CHRNB1: variants seen among roughly 807,000 people sequenced by gnomAD.
CHRNB1 encodes the protein cholinergic receptor nicotinic beta 1 subunit, also known as acetylcholine receptor subunit beta.
Under a neutral mutation model 53.8 loss-of-function variants are expected in CHRNB1, and 47 were observed. The ratio of observed to expected loss-of-function variants is 0.87; its 90% CI spans 0.69 to 1.11. CHRNB1 has a LOEUF of 1.11. Ranked by LOEUF, CHRNB1 falls within the 50% of genes most tolerant of loss-of-function variation. The pLI, the probability that CHRNB1 is intolerant of heterozygous loss-of-function variation, is 0.00. For missense variants in CHRNB1, 605 were observed against 654.9 expected (o/e 0.92, Z 0.83); for synonymous variants, 259 against 263.5 (o/e 0.98, Z 0.16).
In CHRNB1 at chr17:7,454,208, G is replaced by C; in HGVS notation, c.821-89G>C. The C allele has an allele frequency of 6.1e-6, 7 of 1,144,632 alleles. No individual in the cohort carries two copies. The South Asian group carries it at 8.6e-5, about 14-fold the overall frequency. The allele number at this position is 1,144,632 out of a possible 1,614,324, so 70.9% of individuals were successfully genotyped here. ...TGCCTGGCTGTAGAAATCTGTCTTT[G>C]AATGGCCTGGAAACATGGTCACTGA... is the stretch of plus-strand genomic sequence containing the variant. On this transcript the variant is annotated intron_variant, in intron 7 of 10. Coordinates refer to ENST00000306071, the MANE Select transcript of CHRNB1 (RefSeq NM_000747.3).
Position 7,445,625 on chromosome 17 carries a change from G to A in CHRNB1, c.198+216G>A. 1 of 1,445,674 alleles carries A rather than the reference G, an allele frequency of 6.9e-7. No individual in the cohort carries two copies. The highest frequency in any genetic ancestry group is 2.5e-5 in the East Asian group (1 of 39,966). 89.6% of individuals were successfully genotyped at this position (1,445,674 alleles called of 1,614,324 possible). A position where few individuals can be genotyped will look rare whatever the true frequency, so the allele number is the denominator to read the frequency against. ...CTGGAGTAGAACTGGGTAGGGTGAA[G>A]GACGGACCTGTGATCGGACCTTAAA... On this transcript the variant is annotated intron_variant, in intron 2 of 10. Transcript: ENST00000306071. The surrounding 1 kb of genome is among the most constrained non-coding windows in gnomAD (Gnocchi z 5.7).
At position 7,454,446 on chromosome 17, in the gene CHRNB1, A is replaced by G; in HGVS notation, c.970A>G (p.Ile324Val). The part of the protein sequence containing the change: ...FTMVLVTFSV[I>V]LSVVVLNLHH... ...CATGGTCCTCGTCACCTTCTCAGTC[A>G]TCCTTAGTGTCGTGGTTCTCAACCT... The change falls in exon 8 of 11, where the codon ATC becomes GTC. Residue 324 changes from isoleucine (I) to valine (V), a missense_variant. Physicochemically the swap from Ile to Val is conservative, Grantham distance 29 (BLOSUM62 3). Transcript: ENST00000306071. 6.2e-7 allele frequency: 1 copy of G among 1,613,978 alleles called. No individual in the cohort carries two copies. The highest frequency in any genetic ancestry group is 8.5e-7 in the Non-Finnish European group (1 of 1,179,984).
chr17:7,446,525 G>A, intron 3 of CHRNB1: 2 of 527,522 alleles, frequency 3.8e-6, no homozygotes, highest in East Asian at 3.4e-5. Context: ...GTTTGGGGCC[G>A]CTAATTTCAT....
intron 6 of CHRNB1, among the ~76,000 whole-genome samples, chr17:7,448,029 G>A (rs1287165903): frequency 5.6e-5 from 7 of 125,156 alleles, no homozygotes; most frequent in Middle Eastern, 5.3e-3. Flanking sequence ...GAGCCGAGAT[G>A]GCGCCACTGC....
In CHRNB1 at chr17:7,455,803, T is replaced by C; in HGVS notation, c.1227T>C (p.Pro409=). The change falls in exon 10 of 11, where the codon CCT becomes CCC. Residue 409 remains proline, a synonymous_variant. Coordinates refer to ENST00000306071, the MANE Select transcript of CHRNB1 (RefSeq NM_000747.3). ...GTCACTCCTCTTCCAGGTTCCAGCC[T>C]GAACTGTCTGCCCCTGATCTGCGGC... ...FLFPKPNRFQ[P]ELSAPDLRRF... The C allele has an allele frequency of 6.2e-7, 1 of 1,614,146 alleles. No homozygotes were observed. Among genetic ancestry groups the C allele is most frequent in the Non-Finnish European group, 8.5e-7 (1 of 1,180,026 alleles).
chr17:7,456,049 CTTTTTT>C (rs528936191), intron 10 of CHRNB1, 108 bp downstream of exon 10: 35 of 527,574 alleles, frequency 6.6e-5, no homozygotes, highest in Middle Eastern at 5.8e-4. Flanking sequence ...TTTTTTTTGG[CTTTTTT>C]TTTTTTTTTT....
In CHRNB1 at chr17:7,445,126, C is replaced by T; in HGVS notation, c.-2C>T. The T allele has an allele frequency of 6.2e-7, 1 of 1,608,052 alleles. No individual in the cohort carries two copies. The highest frequency in any genetic ancestry group is 1.1e-5 in the South Asian group (1 of 90,792). ...CGAAGTCACTGAGCGAGCCGCCAGG[C>T]TATGACCCCAGGGGCTCTGCTGATG... On this transcript the variant is annotated 5_prime_UTR_variant, in exon 1 of 11. Coordinates refer to ENST00000306071, the MANE Select transcript of CHRNB1 (RefSeq NM_000747.3). The surrounding 1 kb of genome is among the most constrained non-coding windows in gnomAD (Gnocchi z 5.7).
In CHRNB1 at chr17:7,448,801, G is replaced by C. The variant is rs371553272; in HGVS notation, c.820+13G>C. On this transcript the variant is annotated intron_variant, in intron 7 of 10. Coordinates refer to ENST00000306071, the MANE Select transcript of CHRNB1 (RefSeq NM_000747.3). ...CCACCAGATGCAGGTAATGGGGGAAGGGGCTCCTTACTCTTTTGTCATTGG... is the reference window on the plus strand; with the variant it reads ...CCACCAGATGCAGGTAATGGGGGAACGGGCTCCTTACTCTTTTGTCATTGG... 4 of 1,612,746 alleles carry C rather than the reference G, an allele frequency of 2.5e-6. No homozygotes were observed. The African/African-American group carries it at 5.3e-5, about 22-fold the overall frequency.
At chr17:7,448,473 C>T (rs1908748341) in intron 6 of CHRNB1, 106 bp from the exon 7 acceptor site, 1 of 1,032,878 alleles carries the variant, frequency 9.7e-7, no homozygotes, top group Non-Finnish European at 1.5e-6. Flanking sequence ...CAGCTAGTTT[C>T]ATCAAGTCAG....
At position 7,456,689 on chromosome 17, in the gene CHRNB1, C is replaced by T; in HGVS notation, c.1472C>T (p.Thr491Met). ...ACCCTAGTCATCTTCCTGGACGCCA[C>T]GTACCACTTGCCCCCTCCAGACCCC... is the stretch of plus-strand genomic sequence containing the variant. ...VGTLVIFLDA[T>M]YHLPPPDPFP is the part of the protein sequence containing the mutation. Residue 491 changes from threonine to methionine, a missense_variant, in exon 11 of 11, where the codon ACG becomes ATG. Thr to Met is a moderately conservative substitution (Grantham distance 81). Transcript: ENST00000306071. 2 of 1,614,162 alleles carry T rather than the reference C, an allele frequency of 1.2e-6. No homozygotes were observed. The highest frequency in any genetic ancestry group is 1.1e-5 in the South Asian group (1 of 91,086).
At chr17:7,455,149 G>A (rs1267605232) in intron 8 of CHRNB1, 135 bp from the exon 9 acceptor site, 5 of 1,008,620 alleles carry the variant, frequency 5.0e-6, no homozygotes, top group Non-Finnish European at 7.6e-6. Flanking sequence ...ATTTCCTTGT[G>A]TAGCTCGTTT....
chr17:7,451,414 G>A (rs371611157), intron 7 of CHRNB1, among the ~76,000 whole-genome samples: 5 of 151,190 alleles, frequency 3.3e-5, no homozygotes, highest in East Asian at 1.9e-4. Context: ...CCCGGTAGCC[G>A]GGATTACAGA....
chr17:7,445,513 G>C lies in CHRNB1; in HGVS notation c.198+104G>C. On this transcript the variant is annotated intron_variant, in intron 2 of 10. Transcript: ENST00000306071. This position sits in a 1 kb window ranked among gnomAD's most constrained non-coding sequence, Gnocchi z 5.7. ...AGGCTGGGGGCGGGGCCTGGGACGA[G>C]ACCAGGCTGAGATGGACCAGCCTTT... 6.5e-7 allele frequency: 1 copy of C among 1,543,926 alleles called. No homozygotes were observed. The highest frequency in any genetic ancestry group is 8.7e-7 in the Non-Finnish European group (1 of 1,149,468).
Position 7,455,924 on chromosome 17 carries a change from CAGG to C in CHRNB1, c.1353_1355del (p.Glu451del), listed in dbSNP as rs748634774. 1 of 1,614,012 alleles carries C rather than the reference CAGG, an allele frequency of 6.2e-7. No homozygotes were observed. The highest frequency in any genetic ancestry group is 1.1e-5 in the South Asian group (1 of 91,078). On this transcript the variant is annotated inframe_deletion, in exon 10 of 11. Coordinates refer to ENST00000306071, the MANE Select transcript of CHRNB1 (RefSeq NM_000747.3). Reference sequence around the variant, plus strand: ...CTACATCGCTCGACAGCTGCAGGAACAGGAGGACCACGATGCGGTATGTCCAAC... The same window carrying C: ...CTACATCGCTCGACAGCTGCAGGAACAGGACCACGATGCGGTATGTCCAAC...
intron 9 of CHRNB1, 74 bp from the exon 10 acceptor site, chr17:7,455,720 C>T: frequency 1.9e-6 from 3 of 1,594,392 alleles, no homozygotes; most frequent in East Asian, 4.5e-5. Context: ...TTGTTGGAGG[C>T]AGCTGGAGCG....
intron 7 of CHRNB1, among the ~76,000 whole-genome samples, chr17:7,449,690 A>G (rs1378175382): frequency 6.6e-6 from 1 of 151,822 alleles, no homozygotes; most frequent in Non-Finnish European, 1.5e-5. Context: ...GCTTATAGGC[A>G]TGAGCCACCG....
chr17:7,446,817 G>A lies in CHRNB1; in HGVS notation c.244-16G>A. 7 of 1,608,542 alleles carry A rather than the reference G, an allele frequency of 4.4e-6. No individual in the cohort carries two copies. The highest frequency in any genetic ancestry group is 1.3e-5 in the African/African-American group (1 of 74,920). ...GCCTCCAACCCGGGGCAGCCCCTCA[G>A]CCTCTGCTTCACTAGGAGTGGACTG... On this transcript the variant is annotated splice_polypyrimidine_tract_variant and intron_variant, in intron 3 of 10. Coordinates refer to ENST00000306071, the MANE Select transcript of CHRNB1 (RefSeq NM_000747.3).
chr17:7,456,514 G>T (rs2069952248), intron 10 of CHRNB1, 69 bp from the exon 11 acceptor site: 53 of 1,599,126 alleles, frequency 3.3e-5, no homozygotes, highest in Non-Finnish European at 4.4e-5. Flanking sequence ...GGTAGCGGGC[G>T]GGGAAATGGG....
chr17:7,447,449 C>T (rs1597749578), intron 5 of CHRNB1, 54 bp from the exon 6 acceptor site: 1 of 1,608,804 alleles, frequency 6.2e-7, no homozygotes. Flanking sequence ...CTCCCAAACT[C>T]CACCAGCGCT....
Sources: allele counts gnomAD v4.1 joint callset (sites outside exome capture counted in the v4.1 genomes callset), GRCh38; gene constraint gnomAD v4.1.1; non-coding constraint Gnocchi (gnomAD v3.1); transcripts MANE v1.5; gene names NCBI Gene and HGNC (gene_info 2026-07-23, HGNC 2026-07-21).